Variants in SPAG6 observed in about 807,000 individuals in gnomAD.
SPAG6 encodes the protein sperm associated antigen 6.
In SPAG6, 49 loss-of-function variants were observed where a neutral mutation model predicts 58.5. That is an observed-to-expected ratio of 0.84 (90% CI 0.67 to 1.06). The LOEUF (loss-of-function observed/expected upper bound fraction) is 1.06. SPAG6 is among the 50% of genes least tolerant of loss of function. SPAG6 has a pLI of 0.00. For missense variants in SPAG6, 560 were observed against 611.3 expected, an observed-to-expected ratio of 0.92 and a Z score of 0.89; for synonymous variants, 233 against 225.6, an observed-to-expected ratio of 1.03 and a Z score of -0.29.
intron 9 of SPAG6, among the ~76,000 whole-genome samples, chr10:22,405,383 T>C (rs1834526083): frequency 6.6e-6 from 1 of 152,074 alleles, no homozygotes; most frequent in African/African-American, 2.4e-5. Context: ...TTTCTGCATC[T>C]ATTGAGATAA....
At chr10:22,389,696 C>A (rs928726047) in intron 7 of SPAG6, among the ~76,000 whole-genome samples, 4 of 152,162 alleles carry the variant, frequency 2.6e-5, no homozygotes, top group Non-Finnish European at 4.4e-5. Flanking sequence ...GGTCTATATA[C>A]CCCTCCATTT....
At chr10:22,358,992 C>T (rs1836953987) in intron 2 of SPAG6, among the ~76,000 whole-genome samples, 1 of 152,200 alleles carries the variant, frequency 6.6e-6, no homozygotes, top group South Asian at 2.1e-4. Flanking sequence ...GGTCCCTCAG[C>T]TAGGAAGTGG....
At chr10:22,352,319 A>C (rs1246354437) in intron 2 of SPAG6, among the ~76,000 whole-genome samples, 1 of 152,186 alleles carries the variant, frequency 6.6e-6, no homozygotes, top group African/African-American at 2.4e-5. Context: ...TTCATAGGCT[A>C]GATTATATTA....
Position 22,389,296 on chromosome 10 carries a change from CA to C in SPAG6, c.990del (p.Val331SerfsTer30). 1 of 1,611,930 alleles carries C rather than the reference CA, an allele frequency of 6.2e-7. No individual in the cohort carries two copies. On this transcript the variant is annotated frameshift_variant, in exon 7 of 11. Coordinates refer to ENST00000376624, the MANE Select transcript of SPAG6 (RefSeq NM_012443.4). LOFTEE classifies it high-confidence loss of function. ...GCTCATTCTGAGAACCTAGCAATGG[CA>C]GTCATCATTTCTAAGGTTTGTTCTT... ...VAAHSENLAM[A>X]VIISKGVPQL...
intron 9 of SPAG6, among the ~76,000 whole-genome samples, chr10:22,404,726 C>T (rs1390045392): frequency 7.0e-6 from 1 of 141,988 alleles, no homozygotes; most frequent in Non-Finnish European, 1.5e-5. Flanking sequence ...TTACCTTGGG[C>T]AGTATGGCCA....
chr10:22,389,537 G>C (rs1244035615), intron 7 of SPAG6, among the ~76,000 whole-genome samples: 2 of 152,160 alleles, frequency 1.3e-5, no homozygotes, highest in Non-Finnish European at 2.9e-5. Flanking sequence ...CAACTATTTT[G>C]AGCATTAGTA....
In SPAG6 at chr10:22,386,953, A is replaced by AT. The variant is rs775528704; in HGVS notation, c.674dup (p.Leu225PhefsTer25). 7 of 1,612,180 alleles carry AT rather than the reference A, an allele frequency of 4.3e-6. No individual in the cohort carries two copies. The highest frequency in any genetic ancestry group is 5.9e-6 in the Non-Finnish European group (7 of 1,178,628). Reference sequence around the variant, plus strand: ...AGATGATCCTGAACCCTGATGCTAAATTGAAGGTATTTCAAAATAAGGTTG... The same window carrying AT: ...AGATGATCCTGAACCCTGATGCTAAATTTGAAGGTATTTCAAAATAAGGTTG... On this transcript the variant is annotated frameshift_variant, in exon 5 of 11. Coordinates refer to ENST00000376624, the MANE Select transcript of SPAG6 (RefSeq NM_012443.4). LOFTEE classifies it high-confidence loss of function.
Position 22,360,034 on chromosome 10 carries a change from G to T in SPAG6, c.122-4819G>T, listed in dbSNP as rs1836990819. On this transcript the variant is annotated intron_variant, in intron 2 of 10. Transcript: ENST00000376624. ...TGGAAAAACTTGACATTTTCTTCCTGATGATTTCTATATGTCACTGGCATG... is the reference window on the plus strand; with the variant it reads ...TGGAAAAACTTGACATTTTCTTCCTTATGATTTCTATATGTCACTGGCATG... Among the ~76,000 whole-genome samples the T allele has an allele frequency of 5.3e-5, 8 of 152,224 alleles. No homozygotes were observed. In the South Asian group the frequency reaches 1.7e-3, roughly 32 times the overall value.
At chr10:22,397,760 A>C (rs1834329841) in intron 8 of SPAG6, among the ~76,000 whole-genome samples, 1 of 152,206 alleles carries the variant, frequency 6.6e-6, no homozygotes, top group Non-Finnish European at 1.5e-5. Context: ...ATAAAACATT[A>C]CTTAAAAAAT....
chr10:22,397,447 G>T (rs1202092839), intron 8 of SPAG6, among the ~76,000 whole-genome samples: 1 of 152,060 alleles, frequency 6.6e-6, no homozygotes, highest in Non-Finnish European at 1.5e-5. Context: ...TGAGTAGTTG[G>T]GATTACAGGC....
intron 9 of SPAG6, among the ~76,000 whole-genome samples, chr10:22,405,311 A>G (rs1345564886): frequency 6.6e-6 from 1 of 152,120 alleles, no homozygotes; most frequent in African/African-American, 2.4e-5. Flanking sequence ...GATATGTCCC[A>G]TCAATACCTA....
At chr10:22,381,505 C>T (rs1359395859) in intron 4 of SPAG6, among the ~76,000 whole-genome samples, 2 of 151,474 alleles carry the variant, frequency 1.3e-5, no homozygotes, top group East Asian at 1.9e-4. Context: ...CTCTCCCACT[C>T]CCCGACCTTT....
chr10:22,347,405 T>G (rs764177841), intron 2 of SPAG6, among the ~76,000 whole-genome samples: 3 of 152,216 alleles, frequency 2.0e-5, no homozygotes, highest in Non-Finnish European at 4.4e-5. Context: ...ATTTTAGAAG[T>G]GTATTTAAAA....
intron 9 of SPAG6, among the ~76,000 whole-genome samples, chr10:22,404,951 G>A (rs1377060326): frequency 6.6e-6 from 1 of 151,944 alleles, no homozygotes; most frequent in Non-Finnish European, 1.5e-5. Context: ...TGTTGTTGGT[G>A]TATAAGAATG....
At chr10:22,346,510 T>C (rs1013460796) in intron 2 of SPAG6, among the ~76,000 whole-genome samples, 1 of 149,046 alleles carries the variant, frequency 6.7e-6, no homozygotes, top group East Asian at 2.0e-4. Context: ...CTTCTTCTTC[T>C]TCCTCTTCTT....
chr10:22,412,506 C>G (rs751668013), intron 10 of SPAG6: 21 of 1,514,648 alleles, frequency 1.4e-5, no homozygotes, highest in East Asian at 7.4e-5. Flanking sequence ...AACTCCTTGA[C>G]CAAAAGAGTT....
At position 22,360,745 on chromosome 10, in the gene SPAG6, C is replaced by T. The variant is rs1259678796; in HGVS notation, c.122-4108C>T. On this transcript the variant is annotated intron_variant, in intron 2 of 10. Transcript: ENST00000376624. ...AAGTGAGCCCCAGTGATGTCGTTTG[C>T]TCCTTACTAGAGGCCTTGTTTATCA... 2.4e-5 allele frequency: 35 copies of T among 1,429,902 alleles called. No homozygotes were observed. The South Asian group carries it at 4.2e-4, about 17-fold the overall frequency. 88.6% of individuals were successfully genotyped at this position (1,429,902 alleles called of 1,614,324 possible).
In SPAG6 at chr10:22,401,274, TA is replaced by T; in HGVS notation, c.1313del (p.Lys438ArgfsTer14). 1 of 1,480,072 alleles carries T rather than the reference TA, an allele frequency of 6.8e-7. No homozygotes were observed. Among genetic ancestry groups the T allele is most frequent in the Non-Finnish European group, 9.4e-7 (1 of 1,059,606 alleles). The allele number at this position is 1,480,072 out of a possible 1,614,324, so 91.7% of individuals were successfully genotyped here. A position where few individuals can be genotyped will look rare whatever the true frequency, so the allele number is the denominator to read the frequency against. On this transcript the variant is annotated frameshift_variant and splice_region_variant, in exon 9 of 11. Coordinates refer to ENST00000376624, the MANE Select transcript of SPAG6 (RefSeq NM_012443.4). LOFTEE classifies it high-confidence loss of function. ...ILKHVVGQFSKVLPHDSKARR... is the reference protein window; with the variant it reads ...ILKHVVGQFSXVLPHDSKARR... ...TGAAACATGTGGTTGGACAGTTCAG[TA>T]AGGTAAGAAATGCCAGCCTCTAAGG... is the stretch of plus-strand genomic sequence containing the variant.
At chr10:22,387,075 A>G in intron 5 of SPAG6, 116 bp downstream of exon 5, 1 of 731,146 alleles carries the variant, frequency 1.4e-6, no homozygotes, top group East Asian at 2.7e-5. Flanking sequence ...CATTGAAAAC[A>G]GATATGAATA....
Sources: allele counts gnomAD v4.1 joint callset (sites outside exome capture counted in the v4.1 genomes callset), GRCh38; gene constraint gnomAD v4.1.1; transcripts MANE v1.5; gene names NCBI Gene and HGNC (gene_info 2026-07-23, HGNC 2026-07-21).